Variants in AASS observed in about 807,000 individuals in gnomAD.
AASS encodes the protein aminoadipate-semialdehyde synthase.
In AASS, 86 loss-of-function variants were observed where a neutral mutation model predicts 105.4. The observed-to-expected ratio is 0.82, with a 90% CI of 0.69 to 0.98. The LOEUF (loss-of-function observed/expected upper bound fraction) is 0.98. Ranked by LOEUF, AASS falls within the 50% of genes least tolerant of loss-of-function variation. AASS has a pLI of 0.00. For missense variants in AASS, 1,048 were observed against 1,143.2 expected, an observed-to-expected ratio of 0.92 and a Z score of 1.20; for synonymous variants, 381 against 394.8, an observed-to-expected ratio of 0.96 and a Z score of 0.41.
chr7:122,095,687 G>A (rs1029015169), intron 15 of AASS, among the ~76,000 whole-genome samples: 34 of 151,552 alleles, frequency 2.2e-4, no homozygotes, highest in African/African-American at 8.2e-4. Flanking sequence ...ATAAAATTGT[G>A]TATGTCTTTT....
chr7:122,083,682 A>T (rs1793487226), intron 19 of AASS, among the ~76,000 whole-genome samples: 1 of 152,084 alleles, frequency 6.6e-6, no homozygotes. Context: ...GGGAGCACAA[A>T]AGAAGGGGAA....
At chr7:122,078,067 T>C in intron 22 of AASS, 53 bp from the exon 23 acceptor site, 1 of 1,539,770 alleles carries the variant, frequency 6.5e-7, no homozygotes, top group Non-Finnish European at 9.0e-7. Flanking sequence ...AACTCAAATA[T>C]TGTCTGTCAT....
intron 14 of AASS, 52 bp downstream of exon 14, chr7:122,098,693 T>C: frequency 1.3e-6 from 2 of 1,595,340 alleles, no homozygotes; most frequent in Non-Finnish European, 8.6e-7. Context: ...AATGTAGAAG[T>C]CAACACGCTA....
intron 3 of AASS, among the ~76,000 whole-genome samples, chr7:122,127,768 A>T (rs1269453536): frequency 6.6e-6 from 1 of 151,994 alleles, no homozygotes; most frequent in Non-Finnish European, 1.5e-5. Context: ...GAAGATGTGG[A>T]CCTTAGACTT....
chr7:122,091,753 C>T lies in AASS; in HGVS notation c.1966G>A (p.Gly656Arg). The T allele has an allele frequency of 6.2e-7, 1 of 1,613,544 alleles. No homozygotes were observed. The highest frequency in any genetic ancestry group is 1.3e-5 in the African/African-American group (1 of 75,024). ...GACTGCATTACATTCATCAAAACTC[C>T]CACTGGACTCCAGCTAAATTTATAT... The part of the protein sequence containing the change: ...LRYKFSWSPV[G>R]VLMNVMQSAT... The change falls in exon 18 of 24, where the codon GGA becomes AGA. Residue 656 changes from glycine (G) to arginine (R), a missense_variant. Gly to Arg is a moderately radical substitution (Grantham distance 125). Coordinates refer to ENST00000417368, the MANE Select transcript of AASS (RefSeq NM_005763.4).
rs1206721110 is a variant in AASS at position 122,075,222 on chromosome 7, T to C, written c.*1267A>G. On this transcript the variant is annotated 3_prime_UTR_variant, in exon 24 of 24. Transcript: ENST00000417368. ...CTTAACATCATTTTTGATTTATTCA[T>C]TGATACTATATTGAAAGATAACCAA... 6.6e-6 allele frequency among the ~76,000 whole-genome samples: 1 copy of C among 152,216 alleles called. No homozygotes were observed. The highest frequency in any genetic ancestry group is 1.9e-4 in the East Asian group (1 of 5,202).
In AASS at chr7:122,078,010, A is replaced by C; in HGVS notation, c.2490T>G (p.Pro830=). The change falls in exon 23 of 24, where the codon CCT becomes CCG. Residue 830 remains proline, a synonymous_variant. Coordinates refer to ENST00000417368, the MANE Select transcript of AASS (RefSeq NM_005763.4). ...TCATCACAATCATATCTTTTTCTTC[A>C]GGACCTTAAAACAAATAAAGATAAG... ...KHLVMKLSYG[P]EEKDMIVMRD... The C allele has an allele frequency of 6.2e-7, 1 of 1,613,938 alleles. No homozygotes were observed. The highest frequency in any genetic ancestry group is 8.5e-7 in the Non-Finnish European group (1 of 1,179,812).
At chr7:122,116,395 A>T (rs1379325956) in intron 8 of AASS, among the ~76,000 whole-genome samples, 1 of 152,202 alleles carries the variant, frequency 6.6e-6, no homozygotes, top group Admixed American at 6.5e-5. Flanking sequence ...TGTAGACCTG[A>T]AGCAGAAATG....
Position 122,077,818 on chromosome 7 carries a change from C to T in AASS, c.2662+20G>A. ...GAGGTGAAACAGAAACAGGCTTACA[C>T]CTCAAATGAACAGACTTACCATCAA... On this transcript the variant is annotated intron_variant, in intron 23 of 23. Coordinates refer to ENST00000417368, the MANE Select transcript of AASS (RefSeq NM_005763.4). The T allele has an allele frequency of 6.2e-7, 1 of 1,614,202 alleles. No individual in the cohort carries two copies. Among genetic ancestry groups the T allele is most frequent in the African/African-American group, 1.3e-5 (1 of 75,066 alleles).
intron 11 of AASS, among the ~76,000 whole-genome samples, chr7:122,110,509 A>C (rs1794883804): frequency 6.6e-6 from 1 of 151,936 alleles, no homozygotes; most frequent in Non-Finnish European, 1.5e-5. Flanking sequence ...GAAACAAACA[A>C]AAATGCTACC....
In AASS at chr7:122,141,492, C is replaced by G. The variant is rs981449418; in HGVS notation, c.-16+2669G>C. Among the ~76,000 whole-genome samples, 17 of 151,756 alleles carry G rather than the reference C, an allele frequency of 1.1e-4. No homozygotes were observed. In the South Asian group the frequency reaches 3.5e-3, roughly 32 times the overall value. On this transcript the variant is annotated intron_variant, in intron 1 of 23. Coordinates refer to ENST00000417368, the MANE Select transcript of AASS (RefSeq NM_005763.4). ...TTGTGTTTTACTCATCTCTGTATTC[C>G]CAATGACTGGCACATGGGAAAACAG...
chr7:122,112,618 TAAAG>T (rs1794990504), intron 11 of AASS, among the ~76,000 whole-genome samples: 2 of 152,224 alleles, frequency 1.3e-5, no homozygotes, highest in South Asian at 4.2e-4. Flanking sequence ...TTTTCTTTGA[TAAAG>T]AAAATGGAAT....
At chr7:122,112,796 A>G (rs1032178020) in intron 11 of AASS, among the ~76,000 whole-genome samples, 1 of 152,184 alleles carries the variant, frequency 6.6e-6, no homozygotes, top group Admixed American at 6.5e-5. Context: ...GAGTGCCCCA[A>G]TATGAACTGA....
Position 122,116,683 on chromosome 7 carries a change from C to A in AASS, c.844G>T (p.Ala282Ser). 6.2e-7 allele frequency: 1 copy of A among 1,614,104 alleles called. No homozygotes were observed. The highest frequency in any genetic ancestry group is 8.5e-7 in the Non-Finnish European group (1 of 1,179,994). The change falls in exon 8 of 24, where the codon GCA becomes TCA. Residue 282 changes from alanine (A) to serine (S), a missense_variant. Coordinates refer to ENST00000417368, the MANE Select transcript of AASS (RefSeq NM_005763.4). ...VRKTDAVYDPAEYDKHPERYI... is the reference protein window; with the variant it reads ...VRKTDAVYDPSEYDKHPERYI... ...CGCTCCGGATGTTTGTCATACTCTG[C>A]AGGATCATACACAGCATCTGTTTTC...
rs199992672 is a variant in AASS at position 122,091,877 on chromosome 7, T to C, written c.1876-34A>G. The C allele has an allele frequency of 4.1e-6, 6 of 1,453,244 alleles. No homozygotes were observed. In the African/African-American group the frequency reaches 5.6e-5, roughly 14 times the overall value. 90.0% of individuals were successfully genotyped at this position (1,453,244 alleles called of 1,614,324 possible). A position where few individuals can be genotyped will look rare whatever the true frequency, so the allele number is the denominator to read the frequency against. On this transcript the variant is annotated intron_variant, in intron 17 of 23. Transcript: ENST00000417368. ...TAAAGAATCAATAAATAAGGAAGAA[T>C]TCACAACTTAGAGAATGTCTAAGTA...
Position 122,075,934 on chromosome 7 carries a change from C to T in AASS, c.*555G>A, listed in dbSNP as rs915630099. On this transcript the variant is annotated 3_prime_UTR_variant, in exon 24 of 24. Transcript: ENST00000417368. ...GACTAAAAAAGTAAAACTTCATTTG[C>T]TGGTTATAAGACAATATGTTCATTT... 2 of 152,088 alleles carry T rather than the reference C, an allele frequency of 1.3e-5. No homozygotes were observed. The highest frequency in any genetic ancestry group is 4.8e-5 in the African/African-American group (2 of 41,410). 9.4% of individuals were successfully genotyped at this position (152,088 alleles called of 1,614,324 possible).
chr7:122,140,722 G>A (rs1796355393), intron 1 of AASS, among the ~76,000 whole-genome samples: 1 of 151,598 alleles, frequency 6.6e-6, no homozygotes, highest in African/African-American at 2.4e-5. Context: ...CAAATCACAC[G>A]GGGGATTTCT....
At chr7:122,099,236 G>A (rs1383185023) in intron 13 of AASS, among the ~76,000 whole-genome samples, 1 of 151,730 alleles carries the variant, frequency 6.6e-6, no homozygotes, top group Non-Finnish European at 1.5e-5. Context: ...CAGAAGATGT[G>A]GTTCAAAATC....
rs1794297708 is a variant in AASS, at chr7:122,098,871, T to TA, written c.1407-6_1407-5insT. The TA allele has an allele frequency of 5.8e-6, 8 of 1,371,624 alleles. No individual in the cohort carries two copies. The highest frequency in any genetic ancestry group is 1.5e-5 in the South Asian group (1 of 65,464). 85.0% of individuals were successfully genotyped at this position (1,371,624 alleles called of 1,614,324 possible). A position where few individuals can be genotyped will look rare whatever the true frequency, so the allele number is the denominator to read the frequency against. ...GAAAGTGACTGAGCACGTTCCCTAT[T>TA]TAAAAAAAAAAAAAAAAAAAAAAAA... is the stretch of plus-strand genomic sequence containing the variant. On this transcript the variant is annotated splice_region_variant and splice_polypyrimidine_tract_variant and intron_variant, in intron 13 of 23. Coordinates refer to ENST00000417368, the MANE Select transcript of AASS (RefSeq NM_005763.4).
Sources: allele counts gnomAD v4.1 joint callset (sites outside exome capture counted in the v4.1 genomes callset), GRCh38; gene constraint gnomAD v4.1.1; transcripts MANE v1.5; gene names NCBI Gene and HGNC (gene_info 2026-07-23, HGNC 2026-07-21).